Variants in NTM observed in about 807,000 individuals in gnomAD.
NTM encodes IgLON family member 2.
Under a neutral mutation model 42.1 loss-of-function variants are expected in NTM, and 13 were observed. The observed-to-expected ratio is 0.31, with a 90% confidence interval of 0.20 to 0.49. The LOEUF (loss-of-function observed/expected upper bound fraction) is 0.49. Among genes scored for constraint, NTM ranks in the 20% least tolerant of loss-of-function variants. The probability of loss-of-function intolerance (pLI) is 0.99; values close to 1 mark genes in which losing one functional copy is unlikely to be tolerated. For missense variants in NTM, 373 were observed against 452.8 expected, an observed-to-expected ratio of 0.82 and a Z score of 1.60; for synonymous variants, 187 against 179.2, an observed-to-expected ratio of 1.04 and a Z score of -0.35.
intron 4 of NTM, among the ~76,000 whole-genome samples, chr11:132,259,927 T>C (rs557800738): frequency 9.9e-5 from 15 of 151,924 alleles, no homozygotes; most frequent in Admixed American, 2.0e-4. Context: ...TTTTGTATTT[T>C]TTGTAGAGAC....
intron 4 of NTM, among the ~76,000 whole-genome samples, chr11:132,259,486 C>A (rs2092709448): frequency 1.3e-5 from 2 of 151,884 alleles, no homozygotes; most frequent in Admixed American, 1.3e-4. Flanking sequence ...TTGAGACCAG[C>A]CCGACCAACA....
intron 2 of NTM, among the ~76,000 whole-genome samples, chr11:132,065,697 C>T (rs999751608): frequency 6.6e-6 from 1 of 152,186 alleles, no homozygotes; most frequent in Non-Finnish European, 1.5e-5. Flanking sequence ...ATCATGGGTT[C>T]TAATCCTGAC....
chr11:132,279,034 G>A (rs2093858141), intron 4 of NTM, among the ~76,000 whole-genome samples: 1 of 152,072 alleles, frequency 6.6e-6, no homozygotes, highest in South Asian at 2.1e-4. Flanking sequence ...TCATCCAAAT[G>A]GAATGCAACA....
chr11:132,011,007 C>A (rs2846332), intron 2 of NTM, among the ~76,000 whole-genome samples: 1 of 150,448 alleles, frequency 6.6e-6, no homozygotes, highest in African/African-American at 2.5e-5. Flanking sequence ...ATGTCGATCT[C>A]GTATGGGCAT....
In NTM at chr11:132,237,837, A is replaced by G. The variant is rs79116776; in HGVS notation, c.526+25690A>G. ...CCAGTCCCAGGCCTCGGCTCCGAGGAAATTCGCTGAACCCTTTCAATAGGC... is the reference window on the plus strand; with the variant it reads ...CCAGTCCCAGGCCTCGGCTCCGAGGGAATTCGCTGAACCCTTTCAATAGGC... On this transcript the variant is annotated intron_variant, in intron 4 of 8. Coordinates refer to ENST00000683400, the MANE Select transcript of NTM (RefSeq NM_001352005.2). Among the ~76,000 whole-genome samples, 27 of 152,298 alleles carry G rather than the reference A, an allele frequency of 1.8e-4. No homozygotes were observed. The East Asian group carries it at 2.9e-3, about 16-fold the overall frequency.
intron 2 of NTM, among the ~76,000 whole-genome samples, chr11:132,056,852 C>T (rs139236085): frequency 9.9e-5 from 15 of 152,184 alleles, no homozygotes; most frequent in African/African-American, 2.2e-4. Context: ...GTGCACTCCA[C>T]GGAAACCACT....
At chr11:131,844,323 C>T (rs567951864) in intron 1 of NTM, among the ~76,000 whole-genome samples, 2 of 152,176 alleles carry the variant, frequency 1.3e-5, no homozygotes, top group East Asian at 3.9e-4. Flanking sequence ...CTTTTATCGG[C>T]TTCTGTTGGT....
intron 1 of NTM, among the ~76,000 whole-genome samples, chr11:131,519,063 T>C (rs1003240959): frequency 2.0e-5 from 3 of 152,240 alleles, no homozygotes; most frequent in African/African-American, 7.2e-5. Context: ...TGGTGATGTC[T>C]TGAAGTAGTG....
chr11:131,772,519 A>G (rs2086273969), intron 1 of NTM, among the ~76,000 whole-genome samples: 1 of 152,182 alleles, frequency 6.6e-6, no homozygotes, highest in African/African-American at 2.4e-5. Flanking sequence ...CATGTCTAGA[A>G]CTGAAGGACA....
chr11:131,946,073 C>T (rs2060313065), intron 2 of NTM, among the ~76,000 whole-genome samples: 1 of 152,052 alleles, frequency 6.6e-6, no homozygotes, highest in Non-Finnish European at 1.5e-5. Context: ...AGATTCAGTC[C>T]AGAAGGAGAA....
intron 4 of NTM, among the ~76,000 whole-genome samples, chr11:132,244,095 G>T (rs1181402204): frequency 1.3e-5 from 2 of 152,162 alleles, no homozygotes; most frequent in South Asian, 4.1e-4. Context: ...AGGGAGAGAC[G>T]GGCCCTCTGC....
In NTM at chr11:132,124,567, A is replaced by G. The variant is rs184612797; in HGVS notation, c.168-21715A>G. On this transcript the variant is annotated intron_variant, in intron 2 of 8. Coordinates refer to ENST00000683400, the MANE Select transcript of NTM (RefSeq NM_001352005.2). The stretch of plus-strand genomic sequence containing the variant: ...ACAATAATGATTCTCAGTTTTGCAC[A>G]TCAGAAAAAGTTGTGGAAATTGTTC... 6.0e-4 allele frequency among the ~76,000 whole-genome samples: 92 copies of G among 152,348 alleles called. 1 individual carries two copies. Among genetic ancestry groups the G allele is most frequent in the East Asian group, 4.6e-3 (24 of 5,178 alleles).
Position 131,853,843 on chromosome 11 carries a change from C to G in NTM, c.83-57721C>G, listed in dbSNP as rs184079043. On this transcript the variant is annotated intron_variant, in intron 1 of 8. Coordinates refer to ENST00000683400, the MANE Select transcript of NTM (RefSeq NM_001352005.2). ...TCTGTCTTCCACAATGGCTATACTA[C>G]TCTACACTCCCACCAACAGTGTCAA... Among the ~76,000 whole-genome samples the G allele has an allele frequency of 1.5e-3, 230 of 152,318 alleles. 2 individuals are homozygous for G. Among genetic ancestry groups the G allele is most frequent in the African/African-American group, 5.3e-3 (220 of 41,574 alleles).
intron 1 of NTM, among the ~76,000 whole-genome samples, chr11:131,674,647 C>T (rs1285961199): frequency 6.6e-6 from 1 of 152,168 alleles, no homozygotes; most frequent in East Asian, 1.9e-4. Context: ...CTGGTGTTGG[C>T]TCAGTGTAAC....
At chr11:132,136,064 C>A (rs2067860203) in intron 2 of NTM, among the ~76,000 whole-genome samples, 1 of 152,152 alleles carries the variant, frequency 6.6e-6, no homozygotes, top group Admixed American at 6.5e-5. Flanking sequence ...CCTGGGGACC[C>A]CTTCCTCTCA....
intron 1 of NTM, among the ~76,000 whole-genome samples, chr11:131,600,827 C>G (rs1449027847): frequency 6.6e-6 from 1 of 151,814 alleles, no homozygotes; most frequent in African/African-American, 2.4e-5. Flanking sequence ...TGTCACTACT[C>G]TTCTGTATAA....
chr11:132,099,223 T>C (rs923683758), intron 2 of NTM, among the ~76,000 whole-genome samples: 1 of 152,260 alleles, frequency 6.6e-6, no homozygotes, highest in African/African-American at 2.4e-5. Context: ...TCTCTTGAGC[T>C]GTAGGTAGTT....
chr11:131,992,211 A>G (rs1565900083), intron 2 of NTM, among the ~76,000 whole-genome samples: 1 of 152,352 alleles, frequency 6.6e-6, no homozygotes, highest in East Asian at 1.9e-4. Flanking sequence ...ACTTTCACTT[A>G]CTGAATTGAT....
At chr11:132,053,170 C>G (rs2079101112) in intron 2 of NTM, among the ~76,000 whole-genome samples, 1 of 152,168 alleles carries the variant, frequency 6.6e-6, no homozygotes, top group African/African-American at 2.4e-5. Flanking sequence ...CAGGGGGTAG[C>G]TGTCATTGTC....
Sources: gnomAD v4.1 joint callset for allele counts (sites outside exome capture counted in the v4.1 genomes callset) on GRCh38, gnomAD v4.1.1 for gene constraint, MANE v1.5 for transcripts, NCBI Gene and HGNC (gene_info 2026-07-23, HGNC 2026-07-21) for gene names.